The following EPHA6 variants were observed in gnomAD, a reference collection of about 807,000 sequenced individuals.
EPHA6 encodes EPH receptor A6.
EPHA6 carries 50 observed loss-of-function variants against 112.0 expected under a neutral mutation model. The observed-to-expected ratio is 0.45, with a 90% CI of 0.36 to 0.56. EPHA6 has a LOEUF of 0.56. EPHA6 is among the 20% of genes least tolerant of loss of function. The probability of loss-of-function intolerance (pLI) is 0.00; values close to 1 mark genes in which losing one functional copy is unlikely to be tolerated. For missense variants in EPHA6, 1,280 were observed against 1,417.4 expected (o/e 0.90, Z 1.56); for synonymous variants, 529 against 490.7 (o/e 1.08, Z -1.03).
chr3:97,040,818 A>G (rs1006426368), intron 3 of EPHA6, among the ~76,000 whole-genome samples: 1 of 152,070 alleles, frequency 6.6e-6, no homozygotes, highest in Non-Finnish European at 1.5e-5. Context: ...TTTACTATGT[A>G]TGCCCATAGA....
At chr3:97,746,994 G>C (rs984754117) in intron 16 of EPHA6, among the ~76,000 whole-genome samples, 2 of 151,886 alleles carry the variant, frequency 1.3e-5, no homozygotes, top group South Asian at 2.1e-4. Flanking sequence ...TCAGGGGTAG[G>C]TCAGACAGGG....
At chr3:97,633,165 G>A (rs948027573) in intron 13 of EPHA6, among the ~76,000 whole-genome samples, 18 of 152,048 alleles carry the variant, frequency 1.2e-4, no homozygotes, top group Admixed American at 3.3e-4. Context: ...ATGGAGCTCT[G>A]CAGCTTTTAG....
At chr3:97,028,342 T>A (rs997872615) in intron 3 of EPHA6, among the ~76,000 whole-genome samples, 33 of 152,130 alleles carry the variant, frequency 2.2e-4, no homozygotes, top group African/African-American at 7.0e-4. Context: ...GAGGATTAAA[T>A]GAGACAATAT....
At chr3:96,986,304 G>A (rs1394731784) in intron 2 of EPHA6, among the ~76,000 whole-genome samples, 2 of 152,130 alleles carry the variant, frequency 1.3e-5, no homozygotes, top group African/African-American at 4.8e-5. Flanking sequence ...ACATACAGAA[G>A]TGAAAATAAT....
chr3:96,947,807 A>G (rs886258298), intron 2 of EPHA6, among the ~76,000 whole-genome samples: 1 of 152,206 alleles, frequency 6.6e-6, no homozygotes, highest in Admixed American at 6.6e-5. Flanking sequence ...CAATATCATG[A>G]AAATGGCCAT....
chr3:96,833,222 A>G (rs1424885727), intron 1 of EPHA6, among the ~76,000 whole-genome samples: 1 of 149,112 alleles, frequency 6.7e-6, no homozygotes, highest in Non-Finnish European at 1.5e-5. Flanking sequence ...ATAAAAGGGG[A>G]AATTTGTTCA....
chr3:97,478,704 T>A (rs2091446121), intron 8 of EPHA6, among the ~76,000 whole-genome samples: 2 of 152,130 alleles, frequency 1.3e-5, no homozygotes, highest in Non-Finnish European at 2.9e-5. Context: ...GCCATAGAAT[T>A]CGAGGCAAAA....
At chr3:97,689,015 C>T (rs1310436736) in intron 14 of EPHA6, among the ~76,000 whole-genome samples, 1 of 152,076 alleles carries the variant, frequency 6.6e-6, no homozygotes, top group Non-Finnish European at 1.5e-5. Flanking sequence ...CTTCAAAATT[C>T]TCCTCTCTAT....
intron 3 of EPHA6, among the ~76,000 whole-genome samples, chr3:97,041,174 G>A (rs1056744540): frequency 6.6e-6 from 1 of 152,040 alleles, no homozygotes; most frequent in Admixed American, 6.6e-5. Flanking sequence ...CAACTCTGTG[G>A]GGTCAGTTTT....
intron 1 of EPHA6, among the ~76,000 whole-genome samples, chr3:96,861,230 C>T (rs1205908103): frequency 1.3e-5 from 2 of 152,022 alleles, no homozygotes; most frequent in Non-Finnish European, 2.9e-5. Flanking sequence ...ATATTTTAAT[C>T]AACTATTAAC....
At chr3:97,481,389 A>AT (rs1210063780) in intron 9 of EPHA6, 5 of 1,501,976 alleles carry the variant, frequency 3.3e-6, no homozygotes, top group Admixed American at 1.7e-5. Context: ...ACTCCCTGAA[A>AT]TTTTTTGCTG....
intron 3 of EPHA6, among the ~76,000 whole-genome samples, chr3:97,171,290 T>C (rs1283970691): frequency 6.6e-6 from 1 of 152,124 alleles, no homozygotes; most frequent in African/African-American, 2.4e-5. Context: ...TTAACTACTA[T>C]CTAATGAATG....
chr3:97,719,611 A>G (rs376262762), intron 14 of EPHA6, among the ~76,000 whole-genome samples: 13 of 152,364 alleles, frequency 8.5e-5, no homozygotes, highest in African/African-American at 3.1e-4. Flanking sequence ...AATTCATACA[A>G]TTTAATTCCT....
At chr3:96,845,503 A>G (rs1053489128) in intron 1 of EPHA6, among the ~76,000 whole-genome samples, 13 of 151,966 alleles carry the variant, frequency 8.6e-5, no homozygotes, top group African/African-American at 2.9e-4. Flanking sequence ...ATTGCTCTCC[A>G]TGGATTACTG....
At chr3:97,316,090 T>C (rs2081819273) in intron 5 of EPHA6, among the ~76,000 whole-genome samples, 1 of 151,852 alleles carries the variant, frequency 6.6e-6, no homozygotes, top group African/African-American at 2.4e-5. Flanking sequence ...TAAATTATTG[T>C]GTCATATTAA....
At chr3:97,569,495 T>G (rs1360221778) in intron 11 of EPHA6, among the ~76,000 whole-genome samples, 1 of 152,134 alleles carries the variant, frequency 6.6e-6, no homozygotes, top group Non-Finnish European at 1.5e-5. Flanking sequence ...ATTACTTATT[T>G]AGGTGACTTT....
chr3:97,617,688 G>A (rs2093777961), intron 13 of EPHA6, among the ~76,000 whole-genome samples: 1 of 152,006 alleles, frequency 6.6e-6, no homozygotes. Flanking sequence ...ACAAAGAAAG[G>A]TATTACATAA....
At chr3:97,273,576 G>T (rs184855151) in intron 5 of EPHA6, among the ~76,000 whole-genome samples, 1 of 152,272 alleles carries the variant, frequency 6.6e-6, no homozygotes, top group African/African-American at 2.4e-5. Context: ...AGTGGTAAGA[G>T]TATTGTCCAT....
At chr3:97,009,679 G>A (rs559942155) in intron 3 of EPHA6, among the ~76,000 whole-genome samples, 9 of 152,366 alleles carry the variant, frequency 5.9e-5, no homozygotes, top group East Asian at 1.9e-4. Context: ...CTGAGAGGCT[G>A]TAAGAATCTG....
Sources: allele counts gnomAD v4.1 joint callset (sites outside exome capture counted in the v4.1 genomes callset), GRCh38; gene constraint gnomAD v4.1.1; transcripts MANE v1.5; gene names NCBI Gene and HGNC (gene_info 2026-07-23, HGNC 2026-07-21).